PHACTR2: variants seen among roughly 807,000 people sequenced by gnomAD.
PHACTR2 encodes the protein phosphatase and actin regulator 2, also known as chromosome 6 open reading frame 56.
A neutral mutation model predicts 76.0 loss-of-function variants in PHACTR2; 30 were observed. The observed-to-expected ratio is 0.39, with a 90% CI of 0.30 to 0.54. PHACTR2 has a LOEUF of 0.54. PHACTR2 is among the 20% of genes least tolerant of loss of function. The probability of loss-of-function intolerance (pLI) is 0.61; values close to 1 mark genes in which losing one functional copy is unlikely to be tolerated. For synonymous variants in PHACTR2, 292 were observed against 292.5 expected (o/e 1.00, Z 0.02); for missense variants, 696 against 781.1 (o/e 0.89, Z 1.30).
chr6:143,572,073 C>G (rs992572382), intron 1 of PHACTR2, among the ~76,000 whole-genome samples: 5 of 152,212 alleles, frequency 3.3e-5, no homozygotes, highest in Non-Finnish European at 7.3e-5. Context: ...ACCAAAAAAT[C>G]TGTTTTACTC....
In PHACTR2 at chr6:143,761,536, T is replaced by C. The variant is rs138802602; in HGVS notation, c.694+896T>C. Among the ~76,000 whole-genome samples, 85 of 152,260 alleles carry C rather than the reference T, an allele frequency of 5.6e-4. No individual in the cohort carries two copies. Among genetic ancestry groups the C allele is most frequent in the African/African-American group, 2.0e-3 (82 of 41,556 alleles). On this transcript the variant is annotated intron_variant, in intron 5 of 12. Coordinates refer to ENST00000440869, the MANE Select transcript of PHACTR2 (RefSeq NM_001100164.2). This position sits in a 1 kb window ranked among gnomAD's most constrained non-coding sequence, Gnocchi z 5.2. ...TGGGAGGCTGATGCGGATCGATCAC[T>C]TGAGGTCAGGAGTTCGAGACCAACC...
intron 11 of PHACTR2, among the ~76,000 whole-genome samples, chr6:143,798,923 C>G (rs1775891823): frequency 6.6e-6 from 1 of 152,176 alleles, no homozygotes; most frequent in Admixed American, 6.5e-5. Flanking sequence ...GGAGGATTCC[C>G]TCTTTTTCTA....
Position 143,754,767 on chromosome 6 carries a change from G to A in PHACTR2, c.454+855G>A, listed in dbSNP as rs189054576. ...TAGATGCCTCCATGCAGCATAGAAA[G>A]GAATCTTTAGGAAATATACTATTTC... On this transcript the variant is annotated intron_variant, in intron 4 of 12. Coordinates refer to ENST00000440869, the MANE Select transcript of PHACTR2 (RefSeq NM_001100164.2). This position sits in a 1 kb window ranked among gnomAD's most constrained non-coding sequence, Gnocchi z 6.2. Among the ~76,000 whole-genome samples the A allele has an allele frequency of 1.3e-5, 2 of 152,300 alleles. No homozygotes were observed. Among genetic ancestry groups the A allele is most frequent in the East Asian group, 3.9e-4 (2 of 5,190 alleles).
At chr6:143,622,177 T>C (rs9390123) in intron 1 of PHACTR2, among the ~76,000 whole-genome samples, 90,991 of 151,920 alleles carry the variant, frequency 0.6, 27,477 homozygotes, top group African/African-American at 0.65. Context: ...AGCTAGGTTA[T>C]ATCTTTTAAT....
Position 143,653,384 on chromosome 6 carries a change from C to T in PHACTR2, c.13+45062C>T, listed in dbSNP as rs1776796516. Among the ~76,000 whole-genome samples the T allele has an allele frequency of 6.6e-6, 1 of 152,064 alleles. No individual in the cohort carries two copies. The highest frequency in any genetic ancestry group is 1.5e-5 in the Non-Finnish European group (1 of 68,022). ...CTATTGCTAAACCCCTTACCTTATA[C>T]AGACTGTGGAGATGGGCAAAGGAAA... On this transcript the variant is annotated intron_variant, in intron 1 of 11. Coordinates refer to the PHACTR2 transcript ENST00000305766. This position sits in a 1 kb window ranked among gnomAD's most constrained non-coding sequence, Gnocchi z 4.9.
intron 1 of PHACTR2, among the ~76,000 whole-genome samples, chr6:143,545,537 AC>A (rs1460496468): frequency 1.3e-5 from 2 of 152,152 alleles, no homozygotes; most frequent in Non-Finnish European, 2.9e-5. Context: ...CTCTATAGCA[AC>A]CCTGTGAGAG....
rs2128478446 is a variant in PHACTR2 at position 143,784,765 on chromosome 6, C to T, written c.1707+1485C>T. On this transcript the variant is annotated intron_variant, in intron 10 of 12. Coordinates refer to ENST00000440869, the MANE Select transcript of PHACTR2 (RefSeq NM_001100164.2). The surrounding 1 kb of genome is among the most constrained non-coding windows in gnomAD (Gnocchi z 4.5). Reference sequence around the variant, plus strand: ...CAGAATCATGGCAGGAGGCAAAAGGCTCTTCTAACATGGTGGCGGCAAAAG... The same window carrying T: ...CAGAATCATGGCAGGAGGCAAAAGGTTCTTCTAACATGGTGGCGGCAAAAG... Among the ~76,000 whole-genome samples the T allele has an allele frequency of 6.6e-6, 1 of 152,242 alleles. No homozygotes were observed. The highest frequency in any genetic ancestry group is 1.5e-5 in the Non-Finnish European group (1 of 68,016).
In PHACTR2 at chr6:143,618,286, C is replaced by CAT. The variant is rs372712478; in HGVS notation, c.13+9964_13+9965insAT. 1.9e-5 allele frequency among the ~76,000 whole-genome samples: 2 copies of CAT among 102,844 alleles called. No homozygotes were observed. Among genetic ancestry groups the CAT allele is most frequent in the Non-Finnish European group, 2.5e-5 (1 of 39,490 alleles). 67.5% of individuals were successfully genotyped at this position (102,844 alleles called of 152,430 possible). A position where few individuals can be genotyped will look rare whatever the true frequency, so the allele number is the denominator to read the frequency against. On this transcript the variant is annotated intron_variant, in intron 1 of 11. Transcript: ENST00000305766. The surrounding 1 kb of genome is among the most constrained non-coding windows in gnomAD (Gnocchi z 5.2). The stretch of plus-strand genomic sequence containing the variant: ...ACACACACACACACACACACACACA[C>CAT]GCACACTCCAGAATGAGTTTCAGAT...
In PHACTR2 at chr6:143,764,366, T is replaced by C. The variant is rs1779505959; in HGVS notation, c.695-895T>C. 6.6e-6 allele frequency among the ~76,000 whole-genome samples: 1 copy of C among 151,770 alleles called. No individual in the cohort carries two copies. Among genetic ancestry groups the C allele is most frequent in the Admixed American group, 6.6e-5 (1 of 15,248 alleles). ...AAAACCCTGTCTCAACAAAAATACA[T>C]TAAAGTTAGCCAGGCATGGTGGTAC... On this transcript the variant is annotated intron_variant, in intron 5 of 12. Coordinates refer to ENST00000440869, the MANE Select transcript of PHACTR2 (RefSeq NM_001100164.2). The surrounding 1 kb of genome is among the most constrained non-coding windows in gnomAD (Gnocchi z 4.7).
chr6:143,609,758 G>C (rs1006763293), intron 1 of PHACTR2, among the ~76,000 whole-genome samples: 3 of 152,102 alleles, frequency 2.0e-5, no homozygotes, highest in African/African-American at 7.2e-5. Context: ...TCAAGTAAAT[G>C]CCTTTTTAAA....
In PHACTR2 at chr6:143,553,185, C is replaced by G. The variant is rs79950557; in HGVS notation, c.217+15978C>G. On this transcript the variant is annotated intron_variant, in intron 1 of 11. Coordinates refer to the PHACTR2 transcript ENST00000367584. This position sits in a 1 kb window ranked among gnomAD's most constrained non-coding sequence, Gnocchi z 4.2. ...ATGTGCCAGTGAGAAAACAAAAATC[C>G]AGCTCATAGAGACTGCAGTATAGTG... is the stretch of plus-strand genomic sequence containing the variant. 0.018 allele frequency among the ~76,000 whole-genome samples: 2,697 copies of G among 152,300 alleles called. 84 individuals carry two copies. Among genetic ancestry groups the G allele is most frequent in the African/African-American group, 0.061 (2,534 of 41,556 alleles).
At chr6:143,668,930 T>C (rs1280593194) in intron 1 of PHACTR2, among the ~76,000 whole-genome samples, 1 of 152,206 alleles carries the variant, frequency 6.6e-6, no homozygotes, top group Non-Finnish European at 1.5e-5. Flanking sequence ...ATTTGTTTGC[T>C]CTTGCTTCTC....
chr6:143,580,759 G>A lies in PHACTR2; in HGVS notation c.217+43552G>A, dbSNP rs11961857. 0.3 allele frequency among the ~76,000 whole-genome samples: 45,165 copies of A among 152,080 alleles called. 6,785 individuals carry two copies. Among genetic ancestry groups the A allele is most frequent in the Middle Eastern group, 0.42 (123 of 292 alleles). On this transcript the variant is annotated intron_variant, in intron 1 of 11. Transcript: ENST00000367584. This position sits in a 1 kb window ranked among gnomAD's most constrained non-coding sequence, Gnocchi z 4.2. ...CCATAGTGTGGGTGGCTGAAGGAAC[G>A]TGAAGATAAATGTCTCTGAAGACAA...
In PHACTR2 at chr6:143,656,426, A is replaced by AT. The variant is rs905912982; in HGVS notation, c.13+48113dup. On this transcript the variant is annotated intron_variant, in intron 1 of 11. Coordinates refer to the PHACTR2 transcript ENST00000305766. The surrounding 1 kb of genome is among the most constrained non-coding windows in gnomAD (Gnocchi z 5.3). ...ACTAACACTAATGATAGTGGATGAGATTTTTTTTTAATTGCAAGAACATCT... is the reference window on the plus strand; with the variant it reads ...ACTAACACTAATGATAGTGGATGAGATTTTTTTTTTAATTGCAAGAACATCT... 1.6e-4 allele frequency among the ~76,000 whole-genome samples: 25 copies of AT among 151,770 alleles called. No homozygotes were observed. Among genetic ancestry groups the AT allele is most frequent in the Admixed American group, 2.6e-4 (4 of 15,242 alleles).
In PHACTR2 at chr6:143,777,373, C is replaced by T. The variant is rs1562303421; in HGVS notation, c.1635C>T (p.Asn545=). The change falls in exon 9 of 13, where the codon AAC becomes AAT. Residue 545 remains asparagine, a synonymous_variant. Coordinates refer to ENST00000440869, the MANE Select transcript of PHACTR2 (RefSeq NM_001100164.2). This position sits in a 1 kb window ranked among gnomAD's most constrained non-coding sequence, Gnocchi z 4.6. ...RPTTEELEQR[N]ILKQKNEEEE... ...CAACTGAAGAATTAGAGCAAAGAAA[C>T]ATCCTAAAACGTGAGTATTCTATAC... The T allele has an allele frequency of 6.3e-7, 1 of 1,586,432 alleles. No homozygotes were observed. The highest frequency in any genetic ancestry group is 8.6e-7 in the Non-Finnish European group (1 of 1,156,558).
Position 143,663,347 on chromosome 6 carries a change from A to T in PHACTR2, c.14-48669A>T, listed in dbSNP as rs1776975477. 6.6e-6 allele frequency among the ~76,000 whole-genome samples: 1 copy of T among 152,192 alleles called. No individual in the cohort carries two copies. Among genetic ancestry groups the T allele is most frequent in the Admixed American group, 6.5e-5 (1 of 15,278 alleles). On this transcript the variant is annotated intron_variant, in intron 1 of 11. Transcript: ENST00000305766. The surrounding 1 kb of genome is among the most constrained non-coding windows in gnomAD (Gnocchi z 4.1). The stretch of plus-strand genomic sequence containing the variant: ...GAGTGAAGGCTTGCCCTCCCCGTGG[A>T]TGAATGAAGTACTGAATATCCCAAA...
In PHACTR2 at chr6:143,688,933, A is replaced by G. The variant is rs1777580017; in HGVS notation, c.46+10724A>G. ...TGGAATGAAATCCAGATTGCATAGT[A>G]TGGCCCTCGAGGCTCTACATGAGCC... On this transcript the variant is annotated intron_variant, in intron 1 of 12. Transcript: ENST00000440869. This position sits in a 1 kb window ranked among gnomAD's most constrained non-coding sequence, Gnocchi z 5.2. 6.6e-6 allele frequency among the ~76,000 whole-genome samples: 1 copy of G among 152,196 alleles called. No homozygotes were observed. Among genetic ancestry groups the G allele is most frequent in the Admixed American group, 6.5e-5 (1 of 15,278 alleles).
Position 143,688,771 on chromosome 6 carries a change from C to T in PHACTR2, c.46+10562C>T, listed in dbSNP as rs978419858. Among the ~76,000 whole-genome samples, 5 of 152,244 alleles carry T rather than the reference C, an allele frequency of 3.3e-5. No homozygotes were observed. Among genetic ancestry groups the T allele is most frequent in the Non-Finnish European group, 7.3e-5 (5 of 68,052 alleles). On this transcript the variant is annotated intron_variant, in intron 1 of 12. Transcript: ENST00000440869. This position sits in a 1 kb window ranked among gnomAD's most constrained non-coding sequence, Gnocchi z 5.2. The stretch of plus-strand genomic sequence containing the variant: ...GGGCCATCCATTACATGGACAACTG[C>T]AGTAGATTCCAGCTGCTCTCCTGCT...
rs1049333330 is a variant in PHACTR2, at chr6:143,827,269, T to C, written c.*3580T>C. 2 of 148,988 alleles carry C rather than the reference T, an allele frequency of 1.3e-5. No individual in the cohort carries two copies. The highest frequency in any genetic ancestry group is 3.0e-5 in the Non-Finnish European group (2 of 67,338). 9.2% of individuals were successfully genotyped at this position (148,988 alleles called of 1,614,324 possible). On this transcript the variant is annotated 3_prime_UTR_variant, in exon 13 of 13. Coordinates refer to ENST00000440869, the MANE Select transcript of PHACTR2 (RefSeq NM_001100164.2). Reference sequence around the variant, plus strand: ...TGCATTAACATTGCATATTCTGATATGTACCATATTAACACATAACAGGCA... The same window carrying C: ...TGCATTAACATTGCATATTCTGATACGTACCATATTAACACATAACAGGCA...
Sources: allele counts gnomAD v4.1 joint callset (sites outside exome capture counted in the v4.1 genomes callset), GRCh38; gene constraint gnomAD v4.1.1; non-coding constraint Gnocchi (gnomAD v3.1); transcripts MANE v1.5; gene names NCBI Gene and HGNC (gene_info 2026-07-23, HGNC 2026-07-21).